SMARCA5: variants seen among roughly 807,000 people sequenced by gnomAD.
SMARCA5 encodes the protein SNF2 related chromatin remodeling ATPase 5.
A neutral mutation model predicts 140.4 loss-of-function variants in SMARCA5; 18 were observed. That is an observed-to-expected ratio of 0.13 (90% CI 0.09 to 0.19). SMARCA5 has a LOEUF of 0.19. Among genes scored for constraint, SMARCA5 ranks in the 10% least tolerant of loss-of-function variants. SMARCA5 has a pLI of 1.00. For synonymous variants in SMARCA5, 449 were observed against 419.6 expected (o/e 1.07, Z -0.86); for missense variants, 606 against 1,276.8 (o/e 0.47, Z 8.01).
intron 6 of SMARCA5, among the ~76,000 whole-genome samples, 175 bp from the exon 7 acceptor site, chr4:143,527,693 A>G (rs1411080329): frequency 1.3e-5 from 2 of 152,192 alleles, no homozygotes; most frequent in African/African-American, 4.8e-5. Context: ...TTAAATGATT[A>G]ATGACGTTAC....
chr4:143,552,985 A>C (rs886549600), intron 23 of SMARCA5, 134 bp from the exon 24 acceptor site: 1 of 627,954 alleles, frequency 1.6e-6, no homozygotes, highest in Non-Finnish European at 2.9e-6. Context: ...TGAAAGATTT[A>C]TATAGCCTGG....
At chr4:143,523,995 C>A (rs918614973) in intron 3 of SMARCA5, among the ~76,000 whole-genome samples, 1 of 151,986 alleles carries the variant, frequency 6.6e-6, no homozygotes, top group South Asian at 2.1e-4. Context: ...CTCGAAGTTA[C>A]AATTTTAAAC....
intron 20 of SMARCA5, 97 bp from the exon 21 acceptor site, chr4:143,547,288 T>G: frequency 1.5e-6 from 1 of 676,290 alleles, no homozygotes; most frequent in East Asian, 2.8e-5. Flanking sequence ...AGCAGAAATT[T>G]AAGAATTAGA....
intron 13 of SMARCA5, 80 bp from the exon 14 acceptor site, chr4:143,540,283 T>A: frequency 9.0e-7 from 1 of 1,110,832 alleles, no homozygotes; most frequent in Non-Finnish European, 1.3e-6. Context: ...ATATTTTAAT[T>A]TTTTTTCTCA....
Position 143,538,675 on chromosome 4 carries a change from C to T in SMARCA5, c.1581C>T (p.Cys527=), listed in dbSNP as rs1737364398. 3.1e-6 allele frequency: 5 copies of T among 1,613,754 alleles called. No individual in the cohort carries two copies. The highest frequency in any genetic ancestry group is 2.2e-5 in the East Asian group (1 of 44,862). ...DYCMWRNYEY[C]RLDGQTPHDE... ...GCATGTGGAGAAATTATGAGTACTG[C>T]AGGTTGGATGGTCAGACACCCCATG... Residue 527 remains cysteine (C), a synonymous_variant, in exon 12 of 24, where the codon TGC becomes TGT. Transcript: ENST00000283131.
chr4:143,532,877 G>A (rs1387501857), intron 9 of SMARCA5, among the ~76,000 whole-genome samples: 1 of 152,174 alleles, frequency 6.6e-6, no homozygotes, highest in Non-Finnish European at 1.5e-5. Flanking sequence ...AAGAGAACCG[G>A]TGGGGCTAAA....
rs778287757 is a variant in SMARCA5, at chr4:143,553,144, C to T, written c.3119C>T (p.Ala1040Val). The change falls in exon 24 of 24, where the codon GCA (alanine) becomes GTA (valine). Residue 1040 changes from alanine to valine, a missense_variant. Physicochemically the swap from Ala to Val is moderately conservative, Grantham distance 64 (BLOSUM62 0). Coordinates refer to ENST00000283131, the MANE Select transcript of SMARCA5 (RefSeq NM_003601.4). ...ACACAGAAACGTAAAATGGATGGCGCACCTGATGGTCGAGGAAGAAAAAAG... is the reference window on the plus strand; with the variant it reads ...ACACAGAAACGTAAAATGGATGGCGTACCTGATGGTCGAGGAAGAAAAAAG... The part of the protein sequence containing the change: ...PSTQKRKMDG[A>V]PDGRGRKKKL... 1 of 1,612,496 alleles carries T rather than the reference C, an allele frequency of 6.2e-7. No homozygotes were observed. The highest frequency in any genetic ancestry group is 8.5e-7 in the Non-Finnish European group (1 of 1,178,880).
chr4:143,525,889 C>G (rs1737057287), intron 5 of SMARCA5, among the ~76,000 whole-genome samples: 1 of 152,112 alleles, frequency 6.6e-6, no homozygotes, highest in Non-Finnish European at 1.5e-5. Context: ...GTAGCTTGTA[C>G]AATTCTTAGA....
At chr4:143,534,831 C>G in intron 9 of SMARCA5, 24 bp from the exon 10 acceptor site, 2 of 1,527,582 alleles carry the variant, frequency 1.3e-6, no homozygotes, top group Non-Finnish European at 1.8e-6. Context: ...TTGGTATTAC[C>G]TGTTTATTTT....
At chr4:143,532,726 C>T (rs1737217224) in intron 9 of SMARCA5, among the ~76,000 whole-genome samples, 1 of 150,782 alleles carries the variant, frequency 6.6e-6, no homozygotes, top group Non-Finnish European at 1.5e-5. Flanking sequence ...TTACTAAGAC[C>T]CCCTTATTTC....
intron 14 of SMARCA5, among the ~76,000 whole-genome samples, chr4:143,541,463 T>C (rs1211418981): frequency 6.6e-6 from 1 of 152,230 alleles, no homozygotes; most frequent in Non-Finnish European, 1.5e-5. Flanking sequence ...TCTGCATACC[T>C]GAAGACAATA....
intron 17 of SMARCA5, 111 bp from the exon 18 acceptor site, chr4:143,545,359 C>T (rs1161753631): frequency 8.7e-6 from 6 of 686,824 alleles, no homozygotes; most frequent in Non-Finnish European, 1.6e-5. Flanking sequence ...TTGAAAGATG[C>T]ATTCAGTTGC....
rs369899528 is a variant in SMARCA5 at position 143,534,794 on chromosome 4, T to C, written c.1159-61T>C. 301 of 1,181,374 alleles carry C rather than the reference T, an allele frequency of 2.5e-4. 2 individuals are homozygous for C. The South Asian group carries it at 4.2e-3, about 16-fold the overall frequency. 73.2% of individuals were successfully genotyped at this position (1,181,374 alleles called of 1,614,324 possible). On this transcript the variant is annotated intron_variant, in intron 9 of 23. Coordinates refer to ENST00000283131, the MANE Select transcript of SMARCA5 (RefSeq NM_003601.4). ...ATGTATTTTATATACAATTCTAAGA[T>C]GCTGAAATATGACCTTATGTGTAAT...
At chr4:143,514,141 G>C (rs777425459) in intron 1 of SMARCA5, 40 bp downstream of exon 1, 18 of 1,478,472 alleles carry the variant, frequency 1.2e-5, no homozygotes, top group Non-Finnish European at 1.6e-5. Context: ...GTGCAGCGGG[G>C]AGGAGGAGCT....
intron 1 of SMARCA5, among the ~76,000 whole-genome samples, chr4:143,516,867 A>G (rs901176246): frequency 4.6e-5 from 7 of 152,256 alleles, no homozygotes; most frequent in African/African-American, 1.4e-4. Context: ...TAGTTAGAGT[A>G]TTCAATTTAG....
chr4:143,519,634 C>T (rs1736914423), intron 2 of SMARCA5, among the ~76,000 whole-genome samples: 1 of 152,056 alleles, frequency 6.6e-6, no homozygotes, highest in Non-Finnish European at 1.5e-5. Context: ...CAGTTTTCTT[C>T]TAAGCAAGAA....
At position 143,517,746 on chromosome 4, in the gene SMARCA5, C is replaced by G. The variant is rs577257189; in HGVS notation, c.252+317C>G. Among the ~76,000 whole-genome samples, 3 of 152,260 alleles carry G rather than the reference C, an allele frequency of 2.0e-5. No individual in the cohort carries two copies. The South Asian group carries it at 6.2e-4, about 32-fold the overall frequency. ...CCTGAGATACTGACAGTAATCTTTT[C>G]CTAATCACCTCTTATTAGGCCCTAC... On this transcript the variant is annotated intron_variant, in intron 2 of 23. Transcript: ENST00000283131.
At chr4:143,541,340 A>G (rs745307205) in intron 14 of SMARCA5, among the ~76,000 whole-genome samples, 9 of 152,176 alleles carry the variant, frequency 5.9e-5, no homozygotes, top group Non-Finnish European at 1.2e-4. Flanking sequence ...ATACTGTTAC[A>G]TTGTTTACTG....
At chr4:143,529,710 T>C (rs1737145184) in intron 8 of SMARCA5, among the ~76,000 whole-genome samples, 1 of 152,236 alleles carries the variant, frequency 6.6e-6, no homozygotes, top group South Asian at 2.1e-4. Context: ...AGTATATTTT[T>C]GTACAATTAA....
Sources: gnomAD v4.1 joint callset for allele counts (sites outside exome capture counted in the v4.1 genomes callset) on GRCh38, gnomAD v4.1.1 for gene constraint, MANE v1.5 for transcripts, NCBI Gene and HGNC (gene_info 2026-07-23, HGNC 2026-07-21) for gene names.